SIPA1L3: variants seen among roughly 807,000 people sequenced by gnomAD.
The protein encoded by SIPA1L3 is signal induced proliferation associated 1 like 3.
SIPA1L3 carries 59 observed loss-of-function variants against 150.1 expected under a neutral mutation model. The ratio of observed to expected loss-of-function variants is 0.39; its 90% CI spans 0.32 to 0.49. SIPA1L3 has a LOEUF of 0.49. SIPA1L3 is among the 20% of genes least tolerant of loss of function. The pLI is 0.86. For synonymous variants in SIPA1L3, 1,070 were observed against 1,077.6 expected (o/e 0.99, Z 0.14); for missense variants, 2,211 against 2,489.5 (o/e 0.89, Z 2.38).
At chr19:37,968,878 A>G (rs1207975218) in intron 1 of SIPA1L3, among the ~76,000 whole-genome samples, 1 of 152,206 alleles carries the variant, frequency 6.6e-6, no homozygotes, top group African/African-American at 2.4e-5. Context: ...CATTGCTATG[A>G]CCAGGGAGGG....
At chr19:37,976,178 T>C (rs1181951874) in intron 1 of SIPA1L3, among the ~76,000 whole-genome samples, 2 of 151,496 alleles carry the variant, frequency 1.3e-5, no homozygotes, top group Non-Finnish European at 1.5e-5. Context: ...GGATGCTGAC[T>C]GACCTATGCA....
At chr19:38,062,624 T>TTA (rs1568527569) in intron 2 of SIPA1L3, among the ~76,000 whole-genome samples, 6 of 119,084 alleles carry the variant, frequency 5.0e-5, no homozygotes, top group East Asian at 2.1e-4. Context: ...TATTATTATT[T>TTA]TTTTTTTTGA....
In SIPA1L3 at chr19:38,130,782, T is replaced by G. The variant is rs1971290856; in HGVS notation, c.3143+10T>G. 2 of 1,585,642 alleles carry G rather than the reference T, an allele frequency of 1.3e-6. No individual in the cohort carries two copies. The highest frequency in any genetic ancestry group is 2.7e-5 in the African/African-American group (2 of 74,480). ...ACGGCACTCCCCGGAGGTAAGGGCC[T>G]CCACCTTTCAGCCAGGTGGTGGGTG... is the stretch of plus-strand genomic sequence containing the variant. On this transcript the variant is annotated intron_variant, in intron 10 of 21. Transcript: ENST00000222345.
Position 38,083,053 on chromosome 19 carries a change from T to G in SIPA1L3, c.1488T>G (p.His496Gln). The G allele has an allele frequency of 6.2e-7, 1 of 1,612,688 alleles. No homozygotes were observed. The highest frequency in any genetic ancestry group is 1.1e-5 in the South Asian group (1 of 91,074). Residue 496 changes from histidine to glutamine, a missense_variant, in exon 3 of 22, where the codon CAT becomes CAG. Physicochemically the swap from His to Gln is conservative, Grantham distance 24. Around this residue, in one of 5 missense-constraint regions of SIPA1L3, gnomAD observed 625 missense variants for 804.2 expected, o/e 0.78. Coordinates refer to ENST00000222345, the MANE Select transcript of SIPA1L3 (RefSeq NM_015073.3). ...QSRPRQYSIEHVDLGARYYQD... is the reference protein window; with the variant it reads ...QSRPRQYSIEQVDLGARYYQD... ...GGCCCCGGCAGTACAGCATCGAGCA[T>G]GTGGACCTGGGCGCCCGCTACTACC...
chr19:37,953,310 G>A (rs756972945), intron 1 of SIPA1L3, among the ~76,000 whole-genome samples: 2 of 152,106 alleles, frequency 1.3e-5, no homozygotes, highest in African/African-American at 2.4e-5. Context: ...CTGGCGTATC[G>A]CATCATGTTT....
intron 1 of SIPA1L3, chr19:37,932,200 G>A (rs1337167228): frequency 1.3e-5 from 2 of 152,518 alleles, no homozygotes; most frequent in African/African-American, 4.8e-5. Context: ...GGCAGGGGAC[G>A]GTGTGGGCAC....
chr19:37,923,067 G>A (rs1171577422), intron 1 of SIPA1L3, among the ~76,000 whole-genome samples: 2 of 151,860 alleles, frequency 1.3e-5, no homozygotes, highest in African/African-American at 2.4e-5. Context: ...AACCCGGGAG[G>A]TGGAGCTTAC....
chr19:37,994,255 A>G (rs1967580719), intron 1 of SIPA1L3, among the ~76,000 whole-genome samples: 1 of 152,176 alleles, frequency 6.6e-6, no homozygotes, highest in South Asian at 2.1e-4. Flanking sequence ...CTATTTCTGC[A>G]TTGGGTGAGG....
chr19:37,958,020 G>T (rs2046826285), intron 1 of SIPA1L3, among the ~76,000 whole-genome samples: 2 of 152,014 alleles, frequency 1.3e-5, no homozygotes, highest in African/African-American at 4.8e-5. Context: ...GGCCTAAAAA[G>T]TATCTTATTT....
intron 19 of SIPA1L3, 110 bp from the exon 20 acceptor site, chr19:38,201,752 A>G (rs1302517865): frequency 8.0e-7 from 1 of 1,257,400 alleles, no homozygotes; most frequent in East Asian, 2.4e-5. Flanking sequence ...AGTCTGTCCC[A>G]AGTGTGATAG....
At chr19:37,910,284 A>G (rs1236034770) in intron 1 of SIPA1L3, among the ~76,000 whole-genome samples, 2 of 152,104 alleles carry the variant, frequency 1.3e-5, no homozygotes, top group African/African-American at 4.8e-5. Flanking sequence ...ATGAGAGGCT[A>G]TTTGGCAGGG....
At chr19:37,951,198 C>G (rs2046760871) in intron 1 of SIPA1L3, among the ~76,000 whole-genome samples, 1 of 152,250 alleles carries the variant, frequency 6.6e-6, no homozygotes, top group Admixed American at 6.5e-5. Flanking sequence ...CTGTCACTTT[C>G]TGATTTTTAT....
rs752587642 is a variant in SIPA1L3 at position 38,164,559 on chromosome 19, G to T, written c.3861G>T (p.Trp1287Cys). ...NASSSHSDDR[W>C]FDPLDPLEPE... is the part of the protein sequence containing the mutation. ...CCAGCAGCCACAGCGACGACCGCTG[G>T]TTCGACCCCCTGGACCCCCTGGAGC... Residue 1287 changes from tryptophan to cysteine, a missense_variant, in exon 15 of 22, where the codon TGG becomes TGT. By Grantham distance (215) the Trp-to-Cys change is radical (BLOSUM62 -2). This residue lies in a region of SIPA1L3 where 806 missense variants were observed against 870.1 expected (regional missense o/e 0.93). Transcript: ENST00000222345. This position sits in a 1 kb window ranked among gnomAD's most constrained non-coding sequence, Gnocchi z 4.1. 5 of 1,614,106 alleles carry T rather than the reference G, an allele frequency of 3.1e-6. No homozygotes were observed. The highest frequency in any genetic ancestry group is 4.2e-6 in the Non-Finnish European group (5 of 1,179,998).
intron 1 of SIPA1L3, among the ~76,000 whole-genome samples, chr19:37,988,637 CTG>C (rs1481760681): frequency 2.0e-5 from 3 of 152,198 alleles, no homozygotes; most frequent in African/African-American, 7.2e-5. Context: ...GATCACACCA[CTG>C]CACTCCAGCC....
intron 6 of SIPA1L3, among the ~76,000 whole-genome samples, chr19:38,103,385 G>C (rs1209112386): frequency 6.6e-6 from 1 of 152,098 alleles, no homozygotes; most frequent in African/African-American, 2.4e-5. Context: ...TCAACACTTT[G>C]GGAGGCTGAG....
intron 10 of SIPA1L3, among the ~76,000 whole-genome samples, chr19:38,137,764 G>A (rs1360254420): frequency 6.6e-6 from 1 of 152,104 alleles, no homozygotes; most frequent in Non-Finnish European, 1.5e-5. Flanking sequence ...GTGAGTAGCT[G>A]GGACTGCCCA....
At chr19:37,924,107 A>G (rs576807130) in intron 1 of SIPA1L3, among the ~76,000 whole-genome samples, 1 of 152,266 alleles carries the variant, frequency 6.6e-6, no homozygotes, top group South Asian at 2.1e-4. Flanking sequence ...AGCTTAAAAC[A>G]CACCTTATTC....
intron 2 of SIPA1L3, among the ~76,000 whole-genome samples, chr19:38,049,262 G>A (rs551511096): frequency 1.1e-4 from 17 of 152,162 alleles, no homozygotes; most frequent in Admixed American, 2.6e-4. Flanking sequence ...AAATATTTCC[G>A]GTGTGTCTGT....
intron 16 of SIPA1L3, chr19:38,185,170 T>C (rs535736161): frequency 6.6e-6 from 1 of 152,442 alleles, no homozygotes; most frequent in Non-Finnish European, 1.5e-5. Flanking sequence ...CAGGCTGTCA[T>C]TCTGTGTCAC....
Sources: gnomAD v4.1 joint callset for allele counts (sites outside exome capture counted in the v4.1 genomes callset) on GRCh38, gnomAD v4.1.1 for gene constraint, gnomAD v4.1.1 regional missense constraint, Gnocchi (gnomAD v3.1) non-coding constraint, MANE v1.5 for transcripts, NCBI Gene and HGNC (gene_info 2026-07-23, HGNC 2026-07-21) for gene names.